Variants in WWOX observed in about 807,000 individuals in gnomAD.
The protein encoded by WWOX is WW domain containing oxidoreductase.
Under a neutral mutation model 46.2 loss-of-function variants are expected in WWOX, and 69 were observed. The ratio of observed to expected loss-of-function variants is 1.49; its 90% CI spans 1.23 to 1.82. The LOEUF is 1.82. Among genes scored for constraint, WWOX ranks in the 40% most tolerant of loss-of-function variants. The probability of loss-of-function intolerance (pLI) is 0.00; values close to 1 mark genes in which losing one functional copy is unlikely to be tolerated. For synonymous variants in WWOX, 359 were observed against 202.6 expected, an observed-to-expected ratio of 1.77 and a Z score of -6.56; for missense variants, 919 against 542.6, an observed-to-expected ratio of 1.69 and a Z score of -6.89.
intron 5 of WWOX, among the ~76,000 whole-genome samples, chr16:78,366,632 G>A (rs1685470956): frequency 6.6e-6 from 1 of 152,216 alleles, no homozygotes; most frequent in African/African-American, 2.4e-5. Context: ...AGGAATACCA[G>A]TTAATTTATA....
chr16:79,148,787 G>A (rs1307101137), intron 8 of WWOX, among the ~76,000 whole-genome samples: 3 of 134,006 alleles, frequency 2.2e-5, no homozygotes, highest in Non-Finnish European at 4.8e-5. Context: ...TGGAGCGATT[G>A]TAAATGGCAT....
chr16:78,330,392 G>A (rs1370738427), intron 5 of WWOX, among the ~76,000 whole-genome samples: 2 of 151,194 alleles, frequency 1.3e-5, no homozygotes, highest in African/African-American at 4.8e-5. Context: ...AATTTCACCA[G>A]TGATAATTTT....
intron 6 of WWOX, among the ~76,000 whole-genome samples, chr16:78,408,366 C>T (rs1292314416): frequency 6.6e-6 from 1 of 152,042 alleles, no homozygotes; most frequent in Non-Finnish European, 1.5e-5. Context: ...AATATAAGGC[C>T]CCAGACCCAG....
intron 8 of WWOX, among the ~76,000 whole-genome samples, chr16:79,172,747 C>T (rs1229717529): frequency 6.6e-6 from 1 of 151,982 alleles, no homozygotes; most frequent in East Asian, 1.9e-4. Context: ...CCTTCACGGC[C>T]AGTTATGGTG....
intron 8 of WWOX, among the ~76,000 whole-genome samples, chr16:78,554,461 G>C (rs2044242373): frequency 6.6e-6 from 1 of 152,150 alleles, no homozygotes; most frequent in Admixed American, 6.5e-5. Context: ...AAACAGTTCT[G>C]GCTGATGGGT....
At chr16:78,928,582 G>C (rs914001605) in intron 8 of WWOX, among the ~76,000 whole-genome samples, 1 of 152,060 alleles carries the variant, frequency 6.6e-6, no homozygotes, top group East Asian at 1.9e-4. Context: ...TGCTTTGGGG[G>C]CCTGTTAAAA....
At chr16:78,298,945 T>C (rs2079991021) in intron 5 of WWOX, among the ~76,000 whole-genome samples, 1 of 103,678 alleles carries the variant, frequency 9.6e-6, no homozygotes, top group South Asian at 3.8e-4. Context: ...ATTTTCCCTT[T>C]TCTTCTTCTT....
intron 8 of WWOX, among the ~76,000 whole-genome samples, chr16:78,624,009 C>T (rs1450878876): frequency 1.3e-5 from 2 of 152,080 alleles, no homozygotes; most frequent in Non-Finnish European, 2.9e-5. Context: ...TTGCACCATC[C>T]ACTTTATAGA....
intron 8 of WWOX, among the ~76,000 whole-genome samples, chr16:78,974,166 C>T (rs1440754172): frequency 6.6e-6 from 1 of 152,196 alleles, no homozygotes; most frequent in African/African-American, 2.4e-5. Context: ...CAGGAAAATT[C>T]AATCTCGTTA....
chr16:78,415,287 C>T (rs1033327222), intron 6 of WWOX, among the ~76,000 whole-genome samples: 2 of 151,916 alleles, frequency 1.3e-5, no homozygotes, highest in Non-Finnish European at 2.9e-5. Context: ...TGTCTCTTAG[C>T]GTGCTAATGG....
chr16:78,363,962 C>T (rs1333585753), intron 5 of WWOX, among the ~76,000 whole-genome samples: 2 of 152,202 alleles, frequency 1.3e-5, no homozygotes, highest in Non-Finnish European at 2.9e-5. Flanking sequence ...CTCTTGCTGA[C>T]ATCCGACTGA....
At chr16:79,032,357 TTCTATGTAATATATAA>T (rs919702071) in intron 8 of WWOX, among the ~76,000 whole-genome samples, 14 of 146,406 alleles carry the variant, frequency 9.6e-5, no homozygotes, top group African/African-American at 3.0e-4. Context: ...ATATAATATA[TTCTATGTAATATATAA>T]TATATTCTAT....
chr16:78,573,405 A>C (rs1371359537), intron 8 of WWOX, among the ~76,000 whole-genome samples: 2 of 152,238 alleles, frequency 1.3e-5, no homozygotes, highest in African/African-American at 4.8e-5. Flanking sequence ...TTGACCTGTG[A>C]GATTTTATGT....
intron 8 of WWOX, among the ~76,000 whole-genome samples, chr16:78,836,911 G>C (rs571340316): frequency 7.9e-5 from 12 of 152,108 alleles, no homozygotes; most frequent in Admixed American, 1.3e-4. Context: ...TCTTTTTTCA[G>C]AGTCAGAGGT....
chr16:78,506,436 C>G (rs2085205436), intron 8 of WWOX: 1 of 152,384 alleles, frequency 6.6e-6, no homozygotes, highest in East Asian at 1.9e-4. Context: ...TCCTTTGACT[C>G]CCTCCACCCC....
At chr16:78,634,831 AGAGAGAGT>A (rs1451540862) in intron 8 of WWOX, among the ~76,000 whole-genome samples, 7 of 111,274 alleles carry the variant, frequency 6.3e-5, no homozygotes, top group East Asian at 4.3e-4. Context: ...AGAGAGAGAG[AGAGAGAGT>A]GTGTGTGTGT....
intron 8 of WWOX, among the ~76,000 whole-genome samples, chr16:78,708,183 C>A (rs1358783648): frequency 6.6e-6 from 1 of 151,928 alleles, no homozygotes; most frequent in African/African-American, 2.4e-5. Context: ...AGAGCAAGAC[C>A]CTGTGTCTTA....
intron 5 of WWOX, among the ~76,000 whole-genome samples, chr16:78,386,053 G>C (rs916360143): frequency 2.0e-5 from 3 of 152,178 alleles, no homozygotes; most frequent in Non-Finnish European, 4.4e-5. Flanking sequence ...AGTTCTCCTG[G>C]TTTCTTGCTA....
At chr16:78,541,111 C>T (rs2043881530) in intron 8 of WWOX, among the ~76,000 whole-genome samples, 1 of 152,112 alleles carries the variant, frequency 6.6e-6, no homozygotes. Context: ...TGAGACCTGA[C>T]ATTTATTTTA....
Sources: allele counts gnomAD v4.1 joint callset (sites outside exome capture counted in the v4.1 genomes callset), GRCh38; gene constraint gnomAD v4.1.1; transcripts MANE v1.5; gene names NCBI Gene and HGNC (gene_info 2026-07-23, HGNC 2026-07-21).